The following ROBO2 variants were observed in gnomAD, a reference collection of about 807,000 sequenced individuals.
ROBO2 encodes the protein roundabout guidance receptor 2.
ROBO2 carries 53 observed loss-of-function variants against 160.8 expected under a neutral mutation model. The observed-to-expected ratio is 0.33, with a 90% CI of 0.26 to 0.41. ROBO2 has a LOEUF of 0.41. ROBO2 is among the 10% of genes least tolerant of loss of function. The pLI is 1.00. For missense variants in ROBO2, 1,577 were observed against 1,722.4 expected (o/e 0.92, Z 1.49); for synonymous variants, 664 against 611.7 (o/e 1.09, Z -1.26).
intron 2 of ROBO2, among the ~76,000 whole-genome samples, chr3:76,499,397 C>T (rs1202500955): frequency 6.6e-6 from 1 of 152,198 alleles, no homozygotes; most frequent in African/African-American, 2.4e-5. Context: ...CTCCTCAGCC[C>T]TAAGCTTTGC....
rs542012858 is a variant in ROBO2 at position 75,964,836 on chromosome 3, C to G, written c.109+27234C>G. 1.2e-3 allele frequency: 176 copies of G among 151,772 alleles called. 2 individuals are homozygous for G. Among genetic ancestry groups the G allele is most frequent in the African/African-American group, 3.3e-3 (135 of 41,486 alleles). 9.4% of individuals were successfully genotyped at this position (151,772 alleles called of 1,614,324 possible). Reference sequence around the variant, plus strand: ...TTTATTTATATTGTACACATGATCTCAAAGTTTATATTTTGCCACCATTTA... The same window carrying G: ...TTTATTTATATTGTACACATGATCTGAAAGTTTATATTTTGCCACCATTTA... On this transcript the variant is annotated intron_variant, in intron 2 of 26. Transcript: ENST00000487694.
chr3:77,584,062 T>C (rs2093982175), intron 16 of ROBO2, among the ~76,000 whole-genome samples: 3 of 152,160 alleles, frequency 2.0e-5, no homozygotes, highest in South Asian at 4.1e-4. Context: ...ATCTTCTCTT[T>C]GCATGCACAG....
chr3:76,763,473 ATATC>A (rs1301178236), intron 2 of ROBO2, among the ~76,000 whole-genome samples: 3 of 151,718 alleles, frequency 2.0e-5, no homozygotes, highest in Non-Finnish European at 4.4e-5. Context: ...TATCAGATAA[ATATC>A]TATATTTACA....
At chr3:77,346,631 C>T (rs145245078) in intron 2 of ROBO2, among the ~76,000 whole-genome samples, 4 of 152,216 alleles carry the variant, frequency 2.6e-5, no homozygotes, top group African/African-American at 4.8e-5. Context: ...AGAAATTCTA[C>T]GGATGAATCT....
chr3:76,231,041 G>C (rs1199875432), intron 2 of ROBO2, among the ~76,000 whole-genome samples: 2 of 152,076 alleles, frequency 1.3e-5, no homozygotes, highest in African/African-American at 4.8e-5. Context: ...CCCGCGGAAA[G>C]AATCAACACT....
intron 2 of ROBO2, among the ~76,000 whole-genome samples, chr3:76,987,342 G>A (rs1476315164): frequency 6.6e-6 from 1 of 152,130 alleles, no homozygotes; most frequent in East Asian, 1.9e-4. Context: ...GTTCCACACT[G>A]CCGTGTAGTG....
intron 2 of ROBO2, among the ~76,000 whole-genome samples, chr3:76,468,775 A>ATTTG (rs1362965291): frequency 6.6e-6 from 1 of 151,904 alleles, no homozygotes; most frequent in East Asian, 1.9e-4. Context: ...AACCTGTTCT[A>ATTTG]TTTGTCATTC....
At chr3:77,168,794 A>G (rs1249692725) in intron 2 of ROBO2, among the ~76,000 whole-genome samples, 1 of 152,118 alleles carries the variant, frequency 6.6e-6, no homozygotes, top group Non-Finnish European at 1.5e-5. Context: ...TCTGCTTTCT[A>G]CCGAATGTGA....
intron 2 of ROBO2, among the ~76,000 whole-genome samples, chr3:77,306,755 C>G (rs891441652): frequency 2.0e-5 from 3 of 152,124 alleles, no homozygotes; most frequent in African/African-American, 7.2e-5. Flanking sequence ...TCATTTATAT[C>G]TCACAACTTA....
chr3:77,175,510 T>C (rs531315915), intron 2 of ROBO2, among the ~76,000 whole-genome samples: 41 of 151,964 alleles, frequency 2.7e-4, no homozygotes, highest in Non-Finnish European at 5.7e-4. Context: ...TGAAGTGATA[T>C]TGTTGGATCT....
chr3:77,432,384 G>A (rs1488120413), intron 2 of ROBO2, among the ~76,000 whole-genome samples: 1 of 152,020 alleles, frequency 6.6e-6, no homozygotes, highest in Non-Finnish European at 1.5e-5. Flanking sequence ...TTCGCAATGG[G>A]GCATATAGCG....
chr3:77,400,270 G>A (rs1050263883), intron 2 of ROBO2, among the ~76,000 whole-genome samples: 1 of 152,254 alleles, frequency 6.6e-6, no homozygotes, highest in Admixed American at 6.5e-5. Context: ...ATCTGACTTG[G>A]TGAATTCTAA....
At chr3:75,949,838 T>C (rs1288854315) in intron 2 of ROBO2, among the ~76,000 whole-genome samples, 2 of 152,102 alleles carry the variant, frequency 1.3e-5, no homozygotes, top group Admixed American at 1.3e-4. Flanking sequence ...TGTAGTTATA[T>C]TAGTATGACT....
At chr3:77,257,068 A>T (rs1030955416) in intron 2 of ROBO2, among the ~76,000 whole-genome samples, 1 of 152,214 alleles carries the variant, frequency 6.6e-6, no homozygotes, top group African/African-American at 2.4e-5. Context: ...CGTGTGGCTT[A>T]TGCAAGCTCT....
intron 2 of ROBO2, among the ~76,000 whole-genome samples, chr3:76,301,482 A>G (rs767889246): frequency 2.0e-5 from 3 of 152,060 alleles, no homozygotes; most frequent in African/African-American, 7.2e-5. Context: ...TGTTTTTTAT[A>G]CTAAGTGATC....
chr3:76,000,497 T>A (rs867242877), intron 2 of ROBO2, among the ~76,000 whole-genome samples: 3 of 150,822 alleles, frequency 2.0e-5, no homozygotes, highest in South Asian at 2.1e-4. Context: ...TTATTTTTTT[T>A]TTTTTTTTTT....
intron 6 of ROBO2, among the ~76,000 whole-genome samples, chr3:77,541,553 A>T (rs1283281533): frequency 6.6e-6 from 1 of 152,148 alleles, no homozygotes; most frequent in Non-Finnish European, 1.5e-5. Context: ...ATCTTAATTG[A>T]CCTTTTTATA....
chr3:76,853,550 G>A (rs1218508851), intron 2 of ROBO2, among the ~76,000 whole-genome samples: 1 of 152,088 alleles, frequency 6.6e-6, no homozygotes, highest in African/African-American at 2.4e-5. Context: ...CTGCAAATTT[G>A]TAGGTGTTTT....
chr3:76,727,064 A>G (rs999893099), intron 2 of ROBO2, among the ~76,000 whole-genome samples: 1 of 152,196 alleles, frequency 6.6e-6, no homozygotes, highest in Non-Finnish European at 1.5e-5. Context: ...ATCCTGAAGT[A>G]ATATCAAAAT....
Sources: gnomAD v4.1 joint callset for allele counts (sites outside exome capture counted in the v4.1 genomes callset) on GRCh38, gnomAD v4.1.1 for gene constraint, MANE v1.5 for transcripts, NCBI Gene and HGNC (gene_info 2026-07-23, HGNC 2026-07-21) for gene names.